The following CEP112 variants were observed in gnomAD, a reference collection of about 807,000 sequenced individuals.
CEP112 encodes the protein centrosomal protein of 112 kDa.
CEP112 carries 127 observed loss-of-function variants against 153.0 expected under a neutral mutation model. That is an observed-to-expected ratio of 0.83 (90% CI 0.72 to 0.96). The LOEUF (loss-of-function observed/expected upper bound fraction) is 0.96, where lower values mean the gene tolerates loss of function less well. CEP112 is among the 40% of genes least tolerant of loss of function. The probability of loss-of-function intolerance (pLI) is 0.00; values close to 1 mark genes in which losing one functional copy is unlikely to be tolerated. For missense variants in CEP112, 1,089 were observed against 1,101.2 expected (o/e 0.99, Z 0.16); for synonymous variants, 358 against 374.4 (o/e 0.96, Z 0.51).
chr17:65,865,128 C>A (rs1007832335), intron 20 of CEP112, among the ~76,000 whole-genome samples: 1 of 151,844 alleles, frequency 6.6e-6, no homozygotes, highest in African/African-American at 2.4e-5. Context: ...TGCAGCCTCA[C>A]CTTCCCAGGC....
chr17:65,988,343 T>G (rs1205070170), intron 17 of CEP112, among the ~76,000 whole-genome samples: 7 of 152,068 alleles, frequency 4.6e-5, no homozygotes, highest in Admixed American at 2.6e-4. Context: ...AATAAATAAC[T>G]AATCCTTCAA....
intron 12 of CEP112, among the ~76,000 whole-genome samples, chr17:66,030,808 A>C (rs937963398): frequency 6.6e-5 from 10 of 152,208 alleles, no homozygotes; most frequent in African/African-American, 2.4e-4. Flanking sequence ...CAGTTTTAAA[A>C]TTAAACTTCT....
chr17:65,927,007 G>C (rs1458955636), intron 19 of CEP112, among the ~76,000 whole-genome samples: 1 of 152,312 alleles, frequency 6.6e-6, no homozygotes, highest in East Asian at 1.9e-4. Context: ...AGTGTTGGAG[G>C]TGCGGCCTTG....
intron 21 of CEP112, among the ~76,000 whole-genome samples, chr17:65,775,197 G>A (rs2053608035): frequency 6.6e-6 from 1 of 151,986 alleles, no homozygotes; most frequent in Non-Finnish European, 1.5e-5. Flanking sequence ...GAGAGAGCGA[G>A]CCAACTGGGC....
chr17:66,140,601 A>G (rs990544452), intron 4 of CEP112, among the ~76,000 whole-genome samples: 1 of 152,220 alleles, frequency 6.6e-6, no homozygotes, highest in Non-Finnish European at 1.5e-5. Flanking sequence ...AAAAATCAGT[A>G]GCACTTCTTT....
chr17:65,863,883 C>T (rs1374974053), intron 20 of CEP112, among the ~76,000 whole-genome samples: 1 of 151,772 alleles, frequency 6.6e-6, no homozygotes, highest in African/African-American at 2.4e-5. Flanking sequence ...GTGGCTCACG[C>T]CTGTAATCCC....
In CEP112 at chr17:65,920,376, T is replaced by A. The variant is rs1481511326; in HGVS notation, c.1980+7206A>T. 4.4e-4 allele frequency among the ~76,000 whole-genome samples: 38 copies of A among 85,686 alleles called. 1 individual carries two copies. The highest frequency in any genetic ancestry group is 1.8e-3 in the African/African-American group (37 of 20,680). The allele number at this position is 85,686 out of a possible 152,430, so 56.2% of individuals were successfully genotyped here. On this transcript the variant is annotated intron_variant, in intron 19 of 26. Transcript: ENST00000535342. The stretch of plus-strand genomic sequence containing the variant: ...CAAACAAACAAAATATATATATATA[T>A]ATATATATATATATATATATATATA...
rs532982366 is a variant in CEP112, at chr17:66,005,264, T to C, written c.1736+426A>G. On this transcript the variant is annotated intron_variant, in intron 17 of 26. Transcript: ENST00000535342. The stretch of plus-strand genomic sequence containing the variant: ...GTAAAACATTAAAATACTGAGTATA[T>C]CATAAGACAAACTCTTTCCTAAATA... 1.2e-4 allele frequency among the ~76,000 whole-genome samples: 19 copies of C among 152,266 alleles called. No individual in the cohort carries two copies. The East Asian group carries it at 3.5e-3, about 28-fold the overall frequency.
Position 65,637,175 on chromosome 17 carries a change from T to G in CEP112, c.2813A>C (p.Gln938Pro). The G allele has an allele frequency of 6.2e-7, 1 of 1,613,930 alleles. No individual in the cohort carries two copies. Among genetic ancestry groups the G allele is most frequent in the South Asian group, 1.1e-5 (1 of 91,074 alleles). Residue 938 changes from glutamine to proline, a missense_variant, in exon 26 of 27, where the codon CAA becomes CCA. By Grantham distance (76) the Gln-to-Pro change is moderately conservative. Transcript: ENST00000535342. ...SSLKSQVNFLQKRASILQEEL... is the reference protein window; with the variant it reads ...SSLKSQVNFLPKRASILQEEL... ...TTCCTGAAGGATGGAAGCTCTCTTT[T>G]GCAGAAAATTAACCTAGAAAAGACA...
chr17:65,951,745 C>CG lies in CEP112; in HGVS notation c.1872+9717_1872+9718insC, dbSNP rs1329028549. ...GCTTTCTGCTCTAATCTTCCCCCGC[C>CG]CCCCCCTTTCTTCCACTTGCTTAGA... is the stretch of plus-strand genomic sequence containing the variant. On this transcript the variant is annotated intron_variant, in intron 18 of 26. Transcript: ENST00000535342. 1.6e-3 allele frequency among the ~76,000 whole-genome samples: 155 copies of CG among 95,108 alleles called. 7 individuals carry two copies. The South Asian group carries it at 0.032, about 20-fold the overall frequency. 62.4% of individuals were successfully genotyped at this position (95,108 alleles called of 152,430 possible). A position where few individuals can be genotyped will look rare whatever the true frequency, so the allele number is the denominator to read the frequency against.
rs1354678751 is a variant in CEP112, at chr17:66,154,606, A to G, written c.470+20438T>C. On this transcript the variant is annotated intron_variant, in intron 4 of 26. Coordinates refer to ENST00000535342, the MANE Select transcript of CEP112 (RefSeq NM_001199165.4). ...GGGAATTAGCCATGACCCCTACCTC[A>G]CTTCATACATAAAAATCAATTCCAG... 5.9e-5 allele frequency among the ~76,000 whole-genome samples: 9 copies of G among 152,210 alleles called. No individual in the cohort carries two copies. In the East Asian group the frequency reaches 1.7e-3, roughly 29 times the overall value.
At position 65,641,074 on chromosome 17, in the gene CEP112, G is replaced by C. The variant is rs745660965; in HGVS notation, c.2698-9C>G. The C allele has an allele frequency of 6.9e-7, 1 of 1,449,330 alleles. No individual in the cohort carries two copies. Among genetic ancestry groups the C allele is most frequent in the Non-Finnish European group, 9.7e-7 (1 of 1,031,974 alleles). The allele number at this position is 1,449,330 out of a possible 1,614,324, so 89.8% of individuals were successfully genotyped here. A position where few individuals can be genotyped will look rare whatever the true frequency, so the allele number is the denominator to read the frequency against. On this transcript the variant is annotated splice_polypyrimidine_tract_variant and intron_variant, in intron 24 of 26. Coordinates refer to ENST00000535342, the MANE Select transcript of CEP112 (RefSeq NM_001199165.4). ...TGTCGTATGTAAGTTATCTAAATTG[G>C]AAAAAAATTAAGAGTTATCTTTTTA...
intron 6 of CEP112, among the ~76,000 whole-genome samples, chr17:66,109,251 AATAACT>A (rs1323743356): frequency 2.0e-5 from 3 of 152,190 alleles, no homozygotes; most frequent in African/African-American, 7.2e-5. Context: ...AACATTTTTA[AATAACT>A]ATAAGAGTGT....
intron 24 of CEP112, among the ~76,000 whole-genome samples, chr17:65,669,700 G>A (rs1031286287): frequency 6.6e-5 from 10 of 152,082 alleles, no homozygotes; most frequent in Non-Finnish European, 1.0e-4. Context: ...TCAGGAGATC[G>A]AGACCATCCT....
intron 4 of CEP112, among the ~76,000 whole-genome samples, chr17:66,156,397 A>G (rs760000912): frequency 1.7e-4 from 26 of 152,186 alleles, no homozygotes; most frequent in Non-Finnish European, 3.4e-4. Context: ...TCAAAGACCA[A>G]AGGTAGATAA....
At chr17:65,992,125 T>C (rs1323950361) in intron 17 of CEP112, among the ~76,000 whole-genome samples, 1 of 152,126 alleles carries the variant, frequency 6.6e-6, no homozygotes, top group East Asian at 1.9e-4. Context: ...GATTAGCGTC[T>C]AGCAAATAAA....
chr17:65,694,610 T>A (rs1489530119), intron 23 of CEP112, among the ~76,000 whole-genome samples: 1 of 152,196 alleles, frequency 6.6e-6, no homozygotes, highest in Non-Finnish European at 1.5e-5. Flanking sequence ...CCAAATAATA[T>A]TTCACTTTCA....
At chr17:66,022,947 A>T (rs2065060344) in intron 16 of CEP112, among the ~76,000 whole-genome samples, 1 of 152,046 alleles carries the variant, frequency 6.6e-6, no homozygotes, top group African/African-American at 2.4e-5. Flanking sequence ...TGACTGGACC[A>T]AGCAGAAAAG....
intron 24 of CEP112, among the ~76,000 whole-genome samples, chr17:65,646,743 G>A (rs1340184589): frequency 6.6e-6 from 1 of 152,202 alleles, no homozygotes; most frequent in African/African-American, 2.4e-5. Context: ...GGAAGAGAAT[G>A]CCAGAGACAC....
Sources: allele counts gnomAD v4.1 joint callset (sites outside exome capture counted in the v4.1 genomes callset), GRCh38; gene constraint gnomAD v4.1.1; transcripts MANE v1.5; gene names NCBI Gene and HGNC (gene_info 2026-07-23, HGNC 2026-07-21).